GALNT9: variants seen among roughly 807,000 people sequenced by gnomAD.
GALNT9 encodes the protein polypeptide N-acetylgalactosaminyltransferase 9.
Under a neutral mutation model 63.1 loss-of-function variants are expected in GALNT9, and 47 were observed. The ratio of observed to expected loss-of-function variants is 0.75; its 90% CI spans 0.59 to 0.95. GALNT9 has a LOEUF of 0.95. Among genes scored for constraint, GALNT9 ranks in the 40% least tolerant of loss-of-function variants. GALNT9 has a pLI of 0.00. For synonymous variants in GALNT9, 396 were observed against 365.7 expected (o/e 1.08, Z -0.94); for missense variants, 829 against 874.8 (o/e 0.95, Z 0.66).
chr12:132,208,981 T>C (rs74565813), intron 6 of GALNT9, among the ~76,000 whole-genome samples: 4,919 of 152,284 alleles, frequency 0.032, 253 homozygotes, highest in African/African-American at 0.11. Context: ...ATAGCACCTC[T>C]GGTAACTCTC....
At chr12:132,226,320 G>A (rs1055610945) in intron 6 of GALNT9, among the ~76,000 whole-genome samples, 2 of 135,596 alleles carry the variant, frequency 1.5e-5, no homozygotes, top group Non-Finnish European at 3.1e-5. Context: ...TGCACATACT[G>A]TACATACACC....
chr12:132,206,837 A>C (rs930150243), intron 6 of GALNT9, among the ~76,000 whole-genome samples: 14 of 152,062 alleles, frequency 9.2e-5, no homozygotes, highest in Admixed American at 1.3e-4. Context: ...GTGAACGGGG[A>C]CAATCCTATT....
chr12:132,205,925 C>T (rs1414799052), intron 6 of GALNT9: 1 of 152,224 alleles, frequency 6.6e-6, no homozygotes, highest in African/African-American at 2.4e-5. Context: ...GGAAGCACCT[C>T]GGAGCCCTGC....
intron 6 of GALNT9, chr12:132,240,658 C>T (rs2136899098): frequency 2.2e-6 from 1 of 454,826 alleles, no homozygotes; most frequent in South Asian, 1.6e-5. Flanking sequence ...CCTCTTCACT[C>T]TCTGCCGTGT....
At chr12:132,328,038 A>C (rs1214965593) in intron 1 of GALNT9, among the ~76,000 whole-genome samples, 1 of 152,186 alleles carries the variant, frequency 6.6e-6, no homozygotes, top group East Asian at 1.9e-4. Flanking sequence ...AATCATCGGC[A>C]CGGAACGGAA....
intron 2 of GALNT9, chr12:132,274,202 C>A (rs1440023524): frequency 1.3e-5 from 2 of 152,784 alleles, no homozygotes; most frequent in Non-Finnish European, 2.9e-5. Context: ...AAGGTCAAAG[C>A]CCCGGGTTGC....
At chr12:132,226,219 A>G (rs1877681289) in intron 6 of GALNT9, among the ~76,000 whole-genome samples, 1 of 126,026 alleles carries the variant, frequency 7.9e-6, no homozygotes, top group Non-Finnish European at 1.7e-5. Flanking sequence ...TACACAACCC[A>G]CACATACACC....
chr12:132,286,362 GGGTGGC>G lies in GALNT9; in HGVS notation c.301_306del (p.Ala101_Thr102del). 2 of 1,550,900 alleles carry G rather than the reference GGGTGGC, an allele frequency of 1.3e-6. No individual in the cohort carries two copies. The highest frequency in any genetic ancestry group is 1.7e-6 in the Non-Finnish European group (2 of 1,146,860). On this transcript the variant is annotated inframe_deletion, in exon 2 of 11. Coordinates refer to ENST00000328957, the MANE Select transcript of GALNT9 (RefSeq NM_001122636.2). The surrounding 1 kb of genome is among the most constrained non-coding windows in gnomAD (Gnocchi z 7.4). ...TCCGCCTCCTGGCCGTCATCACGCA[GGGTGGC>G]CGCCAAGCCACCCTGGCCCAGGCCT...
intron 1 of GALNT9, among the ~76,000 whole-genome samples, chr12:132,294,074 A>G (rs1880960701): frequency 6.6e-6 from 1 of 152,220 alleles, no homozygotes; most frequent in Non-Finnish European, 1.5e-5. Flanking sequence ...CAAACACAGA[A>G]TCTGTGAATG....
chr12:132,316,295 C>T lies in GALNT9; in HGVS notation c.238+12671G>A, dbSNP rs1176494002. ...TTCTCTACCATACAGCCTGTGGGTT[C>T]TTCCCCAGCCCGACCCCACGTCCCC... On this transcript the variant is annotated intron_variant, in intron 1 of 10. Transcript: ENST00000328957. This position sits in a 1 kb window ranked among gnomAD's most constrained non-coding sequence, Gnocchi z 4.3. 6.6e-6 allele frequency among the ~76,000 whole-genome samples: 1 copy of T among 152,146 alleles called. No individual in the cohort carries two copies. The highest frequency in any genetic ancestry group is 1.5e-5 in the Non-Finnish European group (1 of 68,020).
chr12:132,293,164 G>C (rs933315759), intron 1 of GALNT9, among the ~76,000 whole-genome samples: 2 of 152,078 alleles, frequency 1.3e-5, no homozygotes, highest in East Asian at 1.9e-4. Flanking sequence ...GGGACTGAGT[G>C]GGGGGGCTCA....
chr12:132,312,848 C>T (rs782138153), intron 1 of GALNT9, among the ~76,000 whole-genome samples: 8 of 152,144 alleles, frequency 5.3e-5, no homozygotes, highest in Non-Finnish European at 1.2e-4. Flanking sequence ...CCCCTTCTGC[C>T]GGGGCCCAAG....
At chr12:132,260,010 T>C (rs948098313) in intron 4 of GALNT9, among the ~76,000 whole-genome samples, 1 of 74,168 alleles carries the variant, frequency 1.3e-5, no homozygotes, top group East Asian at 3.1e-4. Flanking sequence ...GAACACACCC[T>C]GAGCATTGTG....
At chr12:132,326,065 G>A (rs1409118682) in intron 1 of GALNT9, among the ~76,000 whole-genome samples, 3 of 152,266 alleles carry the variant, frequency 2.0e-5, no homozygotes, top group African/African-American at 4.8e-5. Context: ...CCCTGCAAGC[G>A]CCTAGAGAAA....
Position 132,267,998 on chromosome 12 carries a change from C to G in GALNT9, c.420-5373G>C, listed in dbSNP as rs549136474. Reference sequence around the variant, plus strand: ...ACCCACATGAACTCACACACATGCACACACACAGGCAGATACACACGAACA... The same window carrying G: ...ACCCACATGAACTCACACACATGCAGACACACAGGCAGATACACACGAACA... On this transcript the variant is annotated intron_variant, in intron 2 of 10. Coordinates refer to ENST00000328957, the MANE Select transcript of GALNT9 (RefSeq NM_001122636.2). Among the ~76,000 whole-genome samples the G allele has an allele frequency of 2.6e-5, 4 of 151,248 alleles. No individual in the cohort carries two copies. The East Asian group carries it at 7.8e-4, about 29-fold the overall frequency.
At chr12:132,208,479 C>T (rs1279957447) in intron 6 of GALNT9, among the ~76,000 whole-genome samples, 1 of 152,260 alleles carries the variant, frequency 6.6e-6, no homozygotes, top group African/African-American at 2.4e-5. Context: ...CTTGGACCAA[C>T]AGAAAGGGCC....
Position 132,296,812 on chromosome 12 carries a change from C to T in GALNT9, c.239-10382G>A, listed in dbSNP as rs1555243294. Reference sequence around the variant, plus strand: ...TCTGTGCTGTGTCATCCCATGTGGACGGCGAGAGCACACACGCATTGGGGG... The same window carrying T: ...TCTGTGCTGTGTCATCCCATGTGGATGGCGAGAGCACACACGCATTGGGGG... On this transcript the variant is annotated intron_variant, in intron 1 of 10. Coordinates refer to ENST00000328957, the MANE Select transcript of GALNT9 (RefSeq NM_001122636.2). The surrounding 1 kb of genome is among the most constrained non-coding windows in gnomAD (Gnocchi z 4.2). Among the ~76,000 whole-genome samples the T allele has an allele frequency of 1.3e-5, 2 of 149,978 alleles. No individual in the cohort carries two copies. The highest frequency in any genetic ancestry group is 2.2e-4 in the South Asian group (1 of 4,650).
chr12:132,279,398 G>A lies in GALNT9; in HGVS notation c.419+6852C>T. The A allele has an allele frequency of 6.6e-6, 1 of 152,498 alleles. No homozygotes were observed. The allele number at this position is 152,498 out of a possible 1,614,324, so 9.4% of individuals were successfully genotyped here. ...TGCAGCTGTCAGACTTGGAGCGTGA[G>A]GACAGAGCTGGGCCGGTTCCTCCCT... On this transcript the variant is annotated intron_variant, in intron 2 of 10. Transcript: ENST00000328957. The surrounding 1 kb of genome is among the most constrained non-coding windows in gnomAD (Gnocchi z 4.1).
At chr12:132,263,634 G>A (rs577761865) in intron 2 of GALNT9, among the ~76,000 whole-genome samples, 9 of 152,306 alleles carry the variant, frequency 5.9e-5, no homozygotes, top group South Asian at 2.1e-4. Flanking sequence ...CCCCGTGACC[G>A]GAACGTGAGC....
Sources: gnomAD v4.1 joint callset for allele counts (sites outside exome capture counted in the v4.1 genomes callset) on GRCh38, gnomAD v4.1.1 for gene constraint, Gnocchi (gnomAD v3.1) non-coding constraint, MANE v1.5 for transcripts, NCBI Gene and HGNC (gene_info 2026-07-23, HGNC 2026-07-21) for gene names.